The following RAB3IP variants were observed in gnomAD, a reference collection of about 807,000 sequenced individuals.
The protein encoded by RAB3IP is RAB3A interacting protein, also known as rab-3A-interacting protein.
Under a neutral mutation model 59.1 loss-of-function variants are expected in RAB3IP, and 36 were observed. That is an observed-to-expected ratio of 0.61 (90% confidence interval 0.47 to 0.80). The LOEUF is 0.80. Among genes scored for constraint, RAB3IP ranks in the 30% least tolerant of loss-of-function variants. The pLI is 0.00. For synonymous variants in RAB3IP, 207 were observed against 191.2 expected (o/e 1.08, Z -0.68); for missense variants, 511 against 536.0 (o/e 0.95, Z 0.46).
intron 3 of RAB3IP, among the ~76,000 whole-genome samples, chr12:69,758,633 A>C (rs1870615125): frequency 6.6e-6 from 1 of 152,108 alleles, no homozygotes; most frequent in Non-Finnish European, 1.5e-5. Context: ...TTTAAACCCC[A>C]CAAAACACTA....
chr12:69,800,254 C>A lies in RAB3IP; in HGVS notation c.934C>A (p.Pro312Thr). Residue 312 changes from proline to threonine, a missense_variant, in exon 7 of 11, where the codon CCC (proline) becomes ACC (threonine). By Grantham distance (38) the Pro-to-Thr change is conservative (BLOSUM62 -1). Transcript: ENST00000247833. Reference sequence around the variant, plus strand: ...TGAATTCCGATTGTGGAAGGATGAGCCCACAATGGACAGGACGTGTCCTTT... The same window carrying A: ...TGAATTCCGATTGTGGAAGGATGAGACCACAATGGACAGGACGTGTCCTTT... Reference protein sequence around the residue: ...YNEFRLWKDEPTMDRTCPFLD... With the variant: ...YNEFRLWKDETTMDRTCPFLD... 6.3e-7 allele frequency: 1 copy of A among 1,588,380 alleles called. No homozygotes were observed. Among genetic ancestry groups the A allele is most frequent in the Non-Finnish European group, 8.6e-7 (1 of 1,168,252 alleles).
At chr12:69,771,529 A>G (rs1873116430) in intron 3 of RAB3IP, among the ~76,000 whole-genome samples, 1 of 148,374 alleles carries the variant, frequency 6.7e-6, no homozygotes, top group East Asian at 2.0e-4. Flanking sequence ...CCTGTCTCCA[A>G]AAAAAAAAAA....
Position 69,812,811 on chromosome 12 carries a change from T to C in RAB3IP, c.1164T>C (p.Cys388=). The C allele has an allele frequency of 6.2e-6, 10 of 1,613,342 alleles. No individual in the cohort carries two copies. The highest frequency in any genetic ancestry group is 7.6e-6 in the Non-Finnish European group (9 of 1,179,322). The change falls in exon 9 of 11, where the codon TGT becomes TGC. Residue 388 remains cysteine, a synonymous_variant. Transcript: ENST00000247833. ...KCALTGQSKS[C]KHRIKLGDSS... is the part of the protein sequence containing the mutation. ...CTCTCACTGGCCAGAGTAAGTCCTGTAAACACAGAATTAAATTAGGGGACT... is the reference window on the plus strand; with the variant it reads ...CTCTCACTGGCCAGAGTAAGTCCTGCAAACACAGAATTAAATTAGGGGACT...
intron 6 of RAB3IP, among the ~76,000 whole-genome samples, chr12:69,797,287 G>A (rs1165236545): frequency 6.6e-6 from 1 of 152,096 alleles, no homozygotes; most frequent in Non-Finnish European, 1.5e-5. Flanking sequence ...GCAATCTCCG[G>A]CAAATTACAA....
Position 69,773,042 on chromosome 12 carries a change from A to C in RAB3IP, c.511-11678A>C, listed in dbSNP as rs186695560. ...GGAAACTTTTAATCTTCATTTCTGA[A>C]AGATGGCTTTGCTGGGTACAGTATT... On this transcript the variant is annotated intron_variant, in intron 3 of 10. Coordinates refer to ENST00000247833, the MANE Select transcript of RAB3IP (RefSeq NM_022456.5). Among the ~76,000 whole-genome samples the C allele has an allele frequency of 1.6e-4, 25 of 152,236 alleles. 2 individuals carry two copies. The highest frequency in any genetic ancestry group is 1.6e-3 in the Admixed American group (25 of 15,294).
At chr12:69,753,671 G>A (rs963137171) in intron 1 of RAB3IP, among the ~76,000 whole-genome samples, 26 of 152,034 alleles carry the variant, frequency 1.7e-4, no homozygotes, top group African/African-American at 5.1e-4. Context: ...TCTAAGTTCC[G>A]GGAAGATGTT....
chr12:69,750,543 GTTT>G (rs11304094), intron 1 of RAB3IP, among the ~76,000 whole-genome samples: 1 of 116,326 alleles, frequency 8.6e-6, no homozygotes, highest in Non-Finnish European at 1.8e-5. Context: ...CCTCTACCTC[GTTT>G]TTTTTTTTTT....
intron 3 of RAB3IP, among the ~76,000 whole-genome samples, chr12:69,775,963 G>T (rs1378657890): frequency 5.9e-5 from 5 of 85,190 alleles, no homozygotes; most frequent in African/African-American, 1.5e-4. Context: ...TTTTTCTATT[G>T]ATTGGAATAG....
intron 6 of RAB3IP, among the ~76,000 whole-genome samples, chr12:69,797,473 CTTTCTTTTT>C (rs1465037430): frequency 2.7e-4 from 14 of 51,562 alleles, no homozygotes; most frequent in African/African-American, 1.2e-3. Context: ...TTTTTCTTTT[CTTTCTTTTT>C]TTTTTTTTTT....
At chr12:69,775,356 A>T (rs1193212491) in intron 3 of RAB3IP, among the ~76,000 whole-genome samples, 1 of 142,024 alleles carries the variant, frequency 7.0e-6, no homozygotes, top group Non-Finnish European at 1.5e-5. Context: ...TGTCATCTGC[A>T]AACAGGGACA....
chr12:69,791,837 C>T (rs1394260096), intron 4 of RAB3IP, among the ~76,000 whole-genome samples: 1 of 152,146 alleles, frequency 6.6e-6, no homozygotes, highest in East Asian at 1.9e-4. Context: ...AAGAAAATTG[C>T]TATCCTGATG....
At chr12:69,808,344 G>A (rs890247973) in intron 8 of RAB3IP, among the ~76,000 whole-genome samples, 13 of 152,244 alleles carry the variant, frequency 8.5e-5, no homozygotes, top group Admixed American at 6.5e-4. Context: ...GTGTGGTGTG[G>A]TGCTGAAAAG....
chr12:69,800,833 T>G (rs763843388), intron 7 of RAB3IP, among the ~76,000 whole-genome samples: 4 of 152,336 alleles, frequency 2.6e-5, no homozygotes, highest in Admixed American at 2.0e-4. Context: ...GTATAAAAAT[T>G]TAAAGCTGTA....
Position 69,801,678 on chromosome 12 carries a change from A to G in RAB3IP, c.1087A>G (p.Ile363Val), listed in dbSNP as rs776395255. Residue 363 changes from isoleucine (I) to valine (V), a missense_variant, in exon 8 of 11, where the codon ATC becomes GTC. Ile to Val is a conservative substitution (Grantham distance 29). Coordinates refer to ENST00000247833, the MANE Select transcript of RAB3IP (RefSeq NM_022456.5). ...LSIEPVGLQPIRFVKASAVEC... is the reference protein window; with the variant it reads ...LSIEPVGLQPVRFVKASAVEC... ...CATTGAACCAGTGGGATTACAACCT[A>G]TCCGGTTTGTGAAAGCTTCTGCAGT... 10 of 1,612,982 alleles carry G rather than the reference A, an allele frequency of 6.2e-6. No homozygotes were observed. Among genetic ancestry groups the G allele is most frequent in the Admixed American group, 1.7e-5 (1 of 59,936 alleles).
At chr12:69,808,647 C>A (rs1251883264) in intron 8 of RAB3IP, among the ~76,000 whole-genome samples, 1 of 152,162 alleles carries the variant, frequency 6.6e-6, no homozygotes, top group Non-Finnish European at 1.5e-5. Flanking sequence ...GATCCCTTTA[C>A]CATTATGTAA....
At chr12:69,793,694 G>C (rs574219388) in intron 4 of RAB3IP, among the ~76,000 whole-genome samples, 3 of 152,170 alleles carry the variant, frequency 2.0e-5, no homozygotes, top group Admixed American at 2.0e-4. Flanking sequence ...TTCTTATTCC[G>C]ATGTTTTATT....
rs1185332720 is a variant in RAB3IP, at chr12:69,822,243, C to T, written c.*6797C>T. 1 of 152,110 alleles carries T rather than the reference C, an allele frequency of 6.6e-6. No individual in the cohort carries two copies. The highest frequency in any genetic ancestry group is 1.5e-5 in the Non-Finnish European group (1 of 68,026). The allele number at this position is 152,110 out of a possible 1,614,324, so 9.4% of individuals were successfully genotyped here. A position where few individuals can be genotyped will look rare whatever the true frequency, so the allele number is the denominator to read the frequency against. The stretch of plus-strand genomic sequence containing the variant: ...TTCATCCTTGCTCCCTACATCCAGC[C>T]AGTAACCATTGCTTTGTTTTACATC... On this transcript the variant is annotated 3_prime_UTR_variant, in exon 11 of 11. Transcript: ENST00000247833.
At chr12:69,788,965 C>G (rs1876173877) in intron 4 of RAB3IP, among the ~76,000 whole-genome samples, 1 of 151,820 alleles carries the variant, frequency 6.6e-6, no homozygotes, top group Non-Finnish European at 1.5e-5. Context: ...GTCAAAAAAT[C>G]AAAAGGGAAC....
At chr12:69,791,552 C>T (rs1474693819) in intron 4 of RAB3IP, among the ~76,000 whole-genome samples, 3 of 152,082 alleles carry the variant, frequency 2.0e-5, no homozygotes, top group Non-Finnish European at 2.9e-5. Flanking sequence ...AATGGCCAAC[C>T]GGTATATGAT....
Sources: gnomAD v4.1 joint callset for allele counts (sites outside exome capture counted in the v4.1 genomes callset) on GRCh38, gnomAD v4.1.1 for gene constraint, MANE v1.5 for transcripts, NCBI Gene and HGNC (gene_info 2026-07-23, HGNC 2026-07-21) for gene names.